Variants in CPQ observed in about 807,000 individuals in gnomAD.
CPQ encodes the protein Ser-Met dipeptidase.
In CPQ, 37 loss-of-function variants were observed where a neutral mutation model predicts 45.7. The observed-to-expected ratio is 0.81, with a 90% confidence interval of 0.62 to 1.07. The LOEUF (loss-of-function observed/expected upper bound fraction) is 1.07. CPQ is among the 50% of genes least tolerant of loss of function. CPQ has a pLI of 0.00. For missense variants in CPQ, 537 were observed against 572.9 expected (o/e 0.94, Z 0.64); for synonymous variants, 186 against 205.8 (o/e 0.90, Z 0.82).
intron 5 of CPQ, among the ~76,000 whole-genome samples, chr8:97,001,070 GA>G (rs1282678373): frequency 6.6e-6 from 1 of 151,974 alleles, no homozygotes; most frequent in African/African-American, 2.4e-5. Context: ...GAAGGTTAGC[GA>G]TTTTTACACA....
chr8:96,934,359 G>C (rs531201584), intron 4 of CPQ, among the ~76,000 whole-genome samples: 20 of 152,310 alleles, frequency 1.3e-4, no homozygotes, highest in African/African-American at 4.8e-4. Flanking sequence ...AGGCCAAGTA[G>C]GTGTTAGACT....
chr8:97,007,986 A>G (rs1241773470), intron 5 of CPQ, among the ~76,000 whole-genome samples: 1 of 152,212 alleles, frequency 6.6e-6, no homozygotes, highest in Non-Finnish European at 1.5e-5. Flanking sequence ...AGTACTCCCC[A>G]GGTTCAAGGC....
intron 1 of CPQ, among the ~76,000 whole-genome samples, chr8:96,682,122 C>T (rs1372356837): frequency 3.3e-5 from 5 of 152,040 alleles, no homozygotes; most frequent in Non-Finnish European, 7.4e-5. Context: ...GTTGGGAAGG[C>T]ATGATTTGTT....
chr8:96,730,866 C>CATACATACATATATATATATATATAT (rs56216136), intron 1 of CPQ, among the ~76,000 whole-genome samples: 4 of 68,696 alleles, frequency 5.8e-5, no homozygotes, highest in Non-Finnish European at 9.1e-5. Context: ...ACCATACATA[C>CATACATACATATATATATATATATAT]ATATATATAT....
chr8:96,803,687 G>T (rs1163092200), intron 2 of CPQ, among the ~76,000 whole-genome samples: 3 of 151,526 alleles, frequency 2.0e-5, no homozygotes, highest in East Asian at 3.9e-4. Flanking sequence ...CAATGGACCA[G>T]TGTAGTCACT....
At chr8:96,733,430 G>T (rs191104816) in intron 1 of CPQ, among the ~76,000 whole-genome samples, 3 of 152,180 alleles carry the variant, frequency 2.0e-5, no homozygotes, top group Non-Finnish European at 4.4e-5. Context: ...ATGTATTATG[G>T]TGCTGATTTT....
At position 97,143,193 on chromosome 8, in the gene CPQ, G is replaced by T. The variant is rs1453807985; in HGVS notation, c.*10G>T. On this transcript the variant is annotated 3_prime_UTR_variant, in exon 8 of 8. Transcript: ENST00000220763. Reference sequence around the variant, plus strand: ...GCTGCCTAGGTCCTAGAAACAGTAAGAAAGAAACGTTTTCATGCTTCTGGC... The same window carrying T: ...GCTGCCTAGGTCCTAGAAACAGTAATAAAGAAACGTTTTCATGCTTCTGGC... 1.9e-6 allele frequency: 3 copies of T among 1,612,434 alleles called. No individual in the cohort carries two copies. The highest frequency in any genetic ancestry group is 2.5e-6 in the Non-Finnish European group (3 of 1,179,404).
intron 7 of CPQ, among the ~76,000 whole-genome samples, chr8:97,110,473 ATATC>A (rs1473504344): frequency 6.6e-6 from 1 of 152,132 alleles, no homozygotes; most frequent in African/African-American, 2.4e-5. Flanking sequence ...TCTTGGAAAA[ATATC>A]TAGGAGTGGG....
chr8:96,961,899 A>G (rs1813466958), intron 4 of CPQ, among the ~76,000 whole-genome samples: 1 of 151,918 alleles, frequency 6.6e-6, no homozygotes, highest in African/African-American at 2.4e-5. Context: ...GTCCTGCCAT[A>G]TTTTTCATAT....
intron 6 of CPQ, among the ~76,000 whole-genome samples, chr8:97,037,716 G>A (rs1810027741): frequency 6.6e-6 from 1 of 152,142 alleles, no homozygotes; most frequent in Admixed American, 6.5e-5. Context: ...AAAAAGGAAA[G>A]GATTGTCTTT....
At chr8:96,943,386 A>C (rs1291431002) in intron 4 of CPQ, among the ~76,000 whole-genome samples, 1 of 152,182 alleles carries the variant, frequency 6.6e-6, no homozygotes. Context: ...CATACAATCC[A>C]TAGATACAAT....
intron 2 of CPQ, among the ~76,000 whole-genome samples, chr8:96,798,523 C>T (rs1455040577): frequency 1.3e-5 from 2 of 152,088 alleles, no homozygotes; most frequent in African/African-American, 4.8e-5. Flanking sequence ...GATGCAGTTC[C>T]ATGGCCGTAA....
intron 4 of CPQ, among the ~76,000 whole-genome samples, chr8:96,886,527 A>C (rs1812308871): frequency 6.6e-6 from 1 of 152,346 alleles, no homozygotes; most frequent in South Asian, 2.1e-4. Context: ...TATCCTAACA[A>C]TTAAAATAGT....
At position 96,879,846 on chromosome 8, in the gene CPQ, A is replaced by G; in HGVS notation, c.690A>G (p.Pro230=). The G allele has an allele frequency of 1.2e-6, 2 of 1,614,098 alleles. No homozygotes were observed. Among genetic ancestry groups the G allele is most frequent in the Admixed American group, 1.7e-5 (1 of 60,010 alleles). ...ACCAGGATGGCGTGCCCAAGATTCC[A>G]ACAGCCTGTATTACGGTGGAAGATG... ...QEYQDGVPKI[P]TACITVEDAE... Residue 230 remains proline (P), a synonymous_variant, in exon 4 of 8, where the codon CCA becomes CCG. Coordinates refer to ENST00000220763, the MANE Select transcript of CPQ (RefSeq NM_016134.4).
At position 96,753,144 on chromosome 8, in the gene CPQ, A is replaced by G. The variant is rs180847241; in HGVS notation, c.-34-31720A>G. Among the ~76,000 whole-genome samples the G allele has an allele frequency of 1.9e-3, 293 of 152,224 alleles. 3 individuals are homozygous for G. Among genetic ancestry groups the G allele is most frequent in the Non-Finnish European group, 5.6e-4 (38 of 68,002 alleles). The stretch of plus-strand genomic sequence containing the variant: ...GAAATACATAACCAGTTTTACACAA[A>G]CCGTTTATAGAGTAGTCCATTTTTT... On this transcript the variant is annotated intron_variant, in intron 1 of 7. Coordinates refer to ENST00000220763, the MANE Select transcript of CPQ (RefSeq NM_016134.4).
At chr8:96,875,030 A>G (rs1157814861) in intron 3 of CPQ, among the ~76,000 whole-genome samples, 1 of 152,006 alleles carries the variant, frequency 6.6e-6, no homozygotes, top group East Asian at 1.9e-4. Flanking sequence ...ATCCTATTAG[A>G]TGGAAAGTGA....
chr8:97,107,928 T>A (rs1811430245), intron 7 of CPQ, among the ~76,000 whole-genome samples: 1 of 152,148 alleles, frequency 6.6e-6, no homozygotes, highest in Admixed American at 6.5e-5. Flanking sequence ...AGTGTAGAAA[T>A]GGGCTTTGGA....
intron 1 of CPQ, among the ~76,000 whole-genome samples, chr8:96,773,560 A>G (rs1029791491): frequency 6.6e-6 from 1 of 152,256 alleles, no homozygotes; most frequent in Non-Finnish European, 1.5e-5. Context: ...AGACTGTTAA[A>G]CAGCCTGGTG....
intron 4 of CPQ, among the ~76,000 whole-genome samples, chr8:96,901,975 G>A (rs1812517471): frequency 6.6e-6 from 1 of 152,134 alleles, no homozygotes. Context: ...TTTCATATTT[G>A]TCGTTCCAGG....
Sources: gnomAD v4.1 joint callset for allele counts (sites outside exome capture counted in the v4.1 genomes callset) on GRCh38, gnomAD v4.1.1 for gene constraint, MANE v1.5 for transcripts, NCBI Gene and HGNC (gene_info 2026-07-23, HGNC 2026-07-21) for gene names.